Variants in ODAD1 observed in about 807,000 individuals in gnomAD.
ODAD1 encodes the protein outer dynein arm-docking complex subunit 1.
Under a neutral mutation model 67.2 loss-of-function variants are expected in ODAD1, and 49 were observed. The observed-to-expected ratio is 0.73, with a 90% confidence interval of 0.58 to 0.92. The LOEUF (loss-of-function observed/expected upper bound fraction) is 0.92. Ranked by LOEUF, ODAD1 falls within the 40% of genes least tolerant of loss-of-function variation. The pLI, the probability that ODAD1 is intolerant of heterozygous loss-of-function variation, is 0.00. For synonymous variants in ODAD1, 345 were observed against 393.7 expected (o/e 0.88, Z 1.46); for missense variants, 897 against 953.7 (o/e 0.94, Z 0.78).
chr19:48,304,616 TC>T (rs555209724), intron 8 of ODAD1, among the ~76,000 whole-genome samples: 31 of 16,170 alleles, frequency 1.9e-3, no homozygotes, highest in Middle Eastern at 0.091. Flanking sequence ...CGAAACTGTC[TC>T]AAAAAAAAAA....
At chr19:48,320,270 G>A (rs1165515067) in intron 3 of ODAD1, 29 bp downstream of exon 3, 5 of 1,218,512 alleles carry the variant, frequency 4.1e-6, no homozygotes, top group Non-Finnish European at 5.4e-6. Flanking sequence ...AAAAGAATGG[G>A]TGAATGATAT....
chr19:48,313,442 AAAAACC>A (rs1406962809), intron 5 of ODAD1, among the ~76,000 whole-genome samples: 8 of 98,824 alleles, frequency 8.1e-5, no homozygotes, highest in African/African-American at 2.4e-4. Flanking sequence ...AAAAAAAAAA[AAAAACC>A]AAAAAAAAAC....
intron 5 of ODAD1, among the ~76,000 whole-genome samples, 193 bp downstream of exon 5, chr19:48,318,194 G>A (rs969545627): frequency 2.6e-5 from 4 of 152,108 alleles, no homozygotes; most frequent in African/African-American, 4.8e-5. Context: ...GTTTCACCAC[G>A]TTGGCCAGGC....
At chr19:48,306,135 TG>T in intron 8 of ODAD1, 120 bp downstream of exon 8, 1 of 1,420,540 alleles carries the variant, frequency 7.0e-7, no homozygotes, top group Non-Finnish European at 9.4e-7. Flanking sequence ...GGGGATATTA[TG>T]GGAGAAAAAA....
Position 48,296,921 on chromosome 19 carries a change from C to CA in ODAD1, c.*54dup, listed in dbSNP as rs756196240. 5 of 1,493,264 alleles carry CA rather than the reference C, an allele frequency of 3.3e-6. No individual in the cohort carries two copies. The African/African-American group carries it at 7.0e-5, about 21-fold the overall frequency. 92.5% of individuals were successfully genotyped at this position (1,493,264 alleles called of 1,614,324 possible). A position where few individuals can be genotyped will look rare whatever the true frequency, so the allele number is the denominator to read the frequency against. ...AAGGCAAACAGGGGAAGTAGAGACA[C>CA]AAAAAAAGACCCCACAGAGAGCCAG... On this transcript the variant is annotated 3_prime_UTR_variant, in exon 16 of 16. Transcript: ENST00000674294.
intron 3 of ODAD1, 146 bp downstream of exon 3, chr19:48,320,153 C>A (rs1968997335): frequency 2.4e-6 from 2 of 850,472 alleles, no homozygotes; most frequent in South Asian, 4.2e-5. Context: ...GTGGTGCCCG[C>A]CCCGCCTCCC....
intron 12 of ODAD1, among the ~76,000 whole-genome samples, chr19:48,299,639 C>T (rs748821470): frequency 2.3e-4 from 35 of 150,840 alleles, no homozygotes; most frequent in African/African-American, 8.5e-4. Flanking sequence ...CCCCCCTCCA[C>T]TAAAAATACA....
At position 48,298,048 on chromosome 19, in the gene ODAD1, A is replaced by G. The variant is rs1228596699; in HGVS notation, c.1454T>C (p.Leu485Pro). The change falls in exon 14 of 16, where the codon CTG becomes CCG. Residue 485 changes from leucine (L) to proline (P), a missense_variant. Coordinates refer to ENST00000674294, the MANE Select transcript of ODAD1 (RefSeq NM_001364171.2). ...GGCCATCTTCTTCGGAAGGTCCTCC[A>G]GGCTCTGGCCCAGCACTAGGAGGGC... ...DAALLVLGQSLEDLPKKMAPL... is the reference protein window; with the variant it reads ...DAALLVLGQSPEDLPKKMAPL... The G allele has an allele frequency of 6.2e-7, 1 of 1,613,082 alleles. No individual in the cohort carries two copies. The highest frequency in any genetic ancestry group is 1.3e-5 in the African/African-American group (1 of 74,824).
chr19:48,298,378 C>T (rs763730140), intron 12 of ODAD1, 38 bp from the exon 13 acceptor site: 54 of 1,605,916 alleles, frequency 3.4e-5, no homozygotes, highest in Admixed American at 5.0e-5. Context: ...GATCTGGCAC[C>T]GCCAGCTGGG....
rs1303451282 is a variant in ODAD1, at chr19:48,303,148, G to A, written c.989-53C>T. ...AGAGAGAGGGAGACAGAGAAACAGA[G>A]ACAGAGAGAACAGAGACAGAGAGGC... On this transcript the variant is annotated intron_variant, in intron 10 of 15. Transcript: ENST00000674294. The A allele has an allele frequency of 3.7e-6, 5 of 1,348,942 alleles. 1 individual carries two copies. The African/African-American group carries it at 5.8e-5, about 16-fold the overall frequency. 83.6% of individuals were successfully genotyped at this position (1,348,942 alleles called of 1,614,324 possible). A position where few individuals can be genotyped will look rare whatever the true frequency, so the allele number is the denominator to read the frequency against.
intron 7 of ODAD1, 135 bp from the exon 8 acceptor site, chr19:48,306,458 G>A (rs372479683): frequency 7.5e-6 from 5 of 663,492 alleles, no homozygotes; most frequent in East Asian, 2.8e-5. Context: ...CCTCATTAGC[G>A]ACTGCCCATG....
At chr19:48,312,686 G>A (rs960870637) in intron 5 of ODAD1, among the ~76,000 whole-genome samples, 1 of 152,136 alleles carries the variant, frequency 6.6e-6, no homozygotes, top group Non-Finnish European at 1.5e-5. Flanking sequence ...CAAAGTGCTG[G>A]GATTACAGGC....
intron 11 of ODAD1, 41 bp downstream of exon 11, chr19:48,302,972 C>A (rs946093311): frequency 1.3e-6 from 2 of 1,555,662 alleles, no homozygotes; most frequent in South Asian, 2.2e-5. Context: ...GCGGGGAGGC[C>A]GGGAGGAGAG....
intron 5 of ODAD1, 100 bp from the exon 6 acceptor site, chr19:48,312,216 G>T: frequency 1.2e-6 from 1 of 846,188 alleles, no homozygotes; most frequent in Non-Finnish European, 1.9e-6. Flanking sequence ...AACATCTGCT[G>T]TCCCTGTCAC....
At position 48,303,631 on chromosome 19, in the gene ODAD1, C is replaced by CAA; in HGVS notation, c.988+18_988+19insTT. On this transcript the variant is annotated intron_variant, in intron 10 of 15. Coordinates refer to ENST00000674294, the MANE Select transcript of ODAD1 (RefSeq NM_001364171.2). ...GCCGGGGTCCCGGGCCTCCTCCCTCCACCCAGGGCCCCACTCACTCTCCAG... is the reference window on the plus strand; with the variant it reads ...GCCGGGGTCCCGGGCCTCCTCCCTCCAAACCCAGGGCCCCACTCACTCTCCAG... 2 of 1,613,810 alleles carry CAA rather than the reference C, an allele frequency of 1.2e-6. No individual in the cohort carries two copies. The highest frequency in any genetic ancestry group is 1.7e-6 in the Non-Finnish European group (2 of 1,179,810).
rs35361179 is a variant in ODAD1 at position 48,302,837 on chromosome 19, C to G, written c.1097G>C (p.Arg366Pro). The G allele has an allele frequency of 5.6e-6, 9 of 1,613,992 alleles. No homozygotes were observed. The highest frequency in any genetic ancestry group is 6.8e-6 in the Non-Finnish European group (8 of 1,179,982). ...KEMQEALVSA[R>P]ASKDDQHLLQ... ...CAAATGCTGGTCATCCTTGCTGGCA[C>G]GTGCGCTCACCAAAGCCTCCTGCAT... is the stretch of plus-strand genomic sequence containing the variant. The change falls in exon 12 of 16, where the codon CGT (arginine) becomes CCT (proline). Residue 366 changes from arginine to proline, a missense_variant. Physicochemically the swap from Arg to Pro is moderately radical, Grantham distance 103. Coordinates refer to ENST00000674294, the MANE Select transcript of ODAD1 (RefSeq NM_001364171.2).
At chr19:48,320,042 T>G (rs2147338454) in intron 3 of ODAD1, 1 of 1,054,012 alleles carries the variant, frequency 9.5e-7, no homozygotes, top group East Asian at 9.1e-5. Flanking sequence ...CTTCCTTCCT[T>G]CTCCCCTTGG....
At chr19:48,318,611 A>G in intron 4 of ODAD1, 35 bp from the exon 5 acceptor site, 1 of 1,546,836 alleles carries the variant, frequency 6.5e-7, no homozygotes, top group East Asian at 2.4e-5. Context: ...GGGGCCAGTA[A>G]GGGGGCAGAA....
At position 48,304,001 on chromosome 19, in the gene ODAD1, T is replaced by C. The variant is rs755043090; in HGVS notation, c.805A>G (p.Asn269Asp). The C allele has an allele frequency of 1.9e-6, 3 of 1,609,748 alleles. No homozygotes were observed. Among genetic ancestry groups the C allele is most frequent in the Non-Finnish European group, 2.5e-6 (3 of 1,177,814 alleles). ...ACATCGGGATCCGGCTGCCGGTCGT[T>C]GTTCTTGAGCTTGAGGAAGTGGTGC... is the stretch of plus-strand genomic sequence containing the variant. ...QLHHFLKLKN[N>D]DRQPDPDVLE... Residue 269 changes from asparagine to aspartate, a missense_variant, in exon 9 of 16, where the codon AAC (asparagine) becomes GAC (aspartate). Asn to Asp is a conservative substitution (Grantham distance 23). Coordinates refer to ENST00000674294, the MANE Select transcript of ODAD1 (RefSeq NM_001364171.2).
Sources: allele counts gnomAD v4.1 joint callset (sites outside exome capture counted in the v4.1 genomes callset), GRCh38; gene constraint gnomAD v4.1.1; transcripts MANE v1.5; gene names NCBI Gene and HGNC (gene_info 2026-07-23, HGNC 2026-07-21).